Variants in STRIP2 observed in about 807,000 individuals in gnomAD.
The protein encoded by STRIP2 is striatin-interacting protein 2.
In STRIP2, 84 loss-of-function variants were observed where a neutral mutation model predicts 107.1. That is an observed-to-expected ratio of 0.78 (90% CI 0.66 to 0.94). STRIP2 has a LOEUF of 0.94. Among genes scored for constraint, STRIP2 ranks in the 40% least tolerant of loss-of-function variants. The pLI is 0.00. For synonymous variants in STRIP2, 394 were observed against 400.4 expected (o/e 0.98, Z 0.19); for missense variants, 888 against 1,034.2 (o/e 0.86, Z 1.94).
At chr7:129,441,052 A>G (rs967039212) in intron 2 of STRIP2, among the ~76,000 whole-genome samples, 1 of 152,062 alleles carries the variant, frequency 6.6e-6, no homozygotes, top group South Asian at 2.1e-4. Context: ...GAGATGAGCA[A>G]CCCAACAAAG....
In STRIP2 at chr7:129,467,949, A is replaced by C. The variant is rs1479749977; in HGVS notation, c.1877+499A>C. Among the ~76,000 whole-genome samples, 3 of 152,212 alleles carry C rather than the reference A, an allele frequency of 2.0e-5. No individual in the cohort carries two copies. The East Asian group carries it at 5.8e-4, about 29-fold the overall frequency. On this transcript the variant is annotated intron_variant, in intron 17 of 20. Coordinates refer to ENST00000249344, the MANE Select transcript of STRIP2 (RefSeq NM_020704.3). Reference sequence around the variant, plus strand: ...ACATTCATTATTTAATCTCCTCAGCAATGCTAAGAGTTGTTATAAGTTTTA... The same window carrying C: ...ACATTCATTATTTAATCTCCTCAGCCATGCTAAGAGTTGTTATAAGTTTTA...
chr7:129,442,942 A>T (rs1053710443), intron 2 of STRIP2, among the ~76,000 whole-genome samples: 1 of 152,148 alleles, frequency 6.6e-6, no homozygotes, highest in African/African-American at 2.4e-5. Context: ...TCTGTATTTC[A>T]GTTCTTCATC....
rs192820232 is a variant in STRIP2 at position 129,459,866 on chromosome 7, C to T, written c.1404+286C>T. ...TTCCTTGCTTCTTTTTCTTTCACTT[C>T]TCTCTGTCCATAAGTCTACTAACTT... On this transcript the variant is annotated intron_variant, in intron 12 of 20. Transcript: ENST00000249344. 2.2e-3 allele frequency among the ~76,000 whole-genome samples: 336 copies of T among 152,170 alleles called. 1 individual carries two copies. The highest frequency in any genetic ancestry group is 7.5e-3 in the African/African-American group (312 of 41,498).
chr7:129,455,345 C>T lies in STRIP2; in HGVS notation c.808C>T (p.Leu270=), dbSNP rs764595855. 2.2e-5 allele frequency: 36 copies of T among 1,613,616 alleles called. No homozygotes were observed. Among genetic ancestry groups the T allele is most frequent in the Non-Finnish European group, 3.0e-5 (35 of 1,179,836 alleles). The change falls in exon 8 of 21, where the codon CTG becomes TTG. Residue 270 remains leucine (L), a synonymous_variant. Transcript: ENST00000249344. ...LAPHFPIKKV[L]LLLWKVVMFT... is the part of the protein sequence containing the mutation. The stretch of plus-strand genomic sequence containing the variant: ...TCCTCACTTCCCCATAAAGAAGGTC[C>T]TGCTCCTGCTCTGGAAGGTGGTCAT...
rs376422661 is a variant in STRIP2, at chr7:129,443,969, G to A, written c.200-55G>A. 143 of 1,330,958 alleles carry A rather than the reference G, an allele frequency of 1.1e-4. No individual in the cohort carries two copies. In the East Asian group the frequency reaches 1.4e-3, roughly 13 times the overall value. The allele number at this position is 1,330,958 out of a possible 1,614,324, so 82.4% of individuals were successfully genotyped here. A position where few individuals can be genotyped will look rare whatever the true frequency, so the allele number is the denominator to read the frequency against. ...TCTTTCATGCCACCCTCTCTACTTT[G>A]GGCCTCTTCTTTAAGGATCTCCCGA... On this transcript the variant is annotated intron_variant, in intron 2 of 20. Transcript: ENST00000249344.
chr7:129,459,817 C>T (rs1380469703), intron 12 of STRIP2, among the ~76,000 whole-genome samples: 1 of 152,140 alleles, frequency 6.6e-6, no homozygotes, highest in African/African-American at 2.4e-5. Flanking sequence ...TTTTCCTCTT[C>T]CCATTCTTCT....
intron 18 of STRIP2, among the ~76,000 whole-genome samples, chr7:129,475,487 G>A (rs1431253690): frequency 7.4e-5 from 11 of 149,530 alleles, no homozygotes; most frequent in Non-Finnish European, 5.9e-5. Context: ...AGGACCCTGG[G>A]GCCTTCCGCA....
intron 18 of STRIP2, among the ~76,000 whole-genome samples, chr7:129,475,048 C>T (rs1428289480): frequency 1.3e-5 from 2 of 152,112 alleles, no homozygotes; most frequent in Admixed American, 1.3e-4. Flanking sequence ...TTGTGTATCT[C>T]CAAATGTCGG....
chr7:129,459,647 C>T, intron 12 of STRIP2, 67 bp downstream of exon 12: 3 of 1,333,780 alleles, frequency 2.2e-6, no homozygotes, highest in Non-Finnish European at 1.1e-6. Flanking sequence ...TTACCAGGCT[C>T]CTGGATACTG....
At chr7:129,471,659 T>C (rs530224422) in intron 18 of STRIP2, among the ~76,000 whole-genome samples, 8 of 152,322 alleles carry the variant, frequency 5.3e-5, no homozygotes, top group African/African-American at 1.9e-4. Context: ...GATTCTTGGC[T>C]GGAGGGGACT....
chr7:129,447,508 C>T (rs1798068532), intron 3 of STRIP2, among the ~76,000 whole-genome samples: 1 of 152,220 alleles, frequency 6.6e-6, no homozygotes, highest in African/African-American at 2.4e-5. Context: ...TCACTGGATC[C>T]AATCAGCATA....
rs1462032541 is a variant in STRIP2, at chr7:129,486,721, A to G, written c.*892A>G. ...GTCCACTTGTGGTCGTGATCAATAT[A>G]TTTTTCTAATTGAAAAGTAAAAGCA... On this transcript the variant is annotated 3_prime_UTR_variant, in exon 21 of 21. Transcript: ENST00000249344. 1 of 152,066 alleles carries G rather than the reference A, an allele frequency of 6.6e-6. No individual in the cohort carries two copies. Among genetic ancestry groups the G allele is most frequent in the East Asian group, 1.9e-4 (1 of 5,196 alleles). 9.4% of individuals were successfully genotyped at this position (152,066 alleles called of 1,614,324 possible). A position where few individuals can be genotyped will look rare whatever the true frequency, so the allele number is the denominator to read the frequency against.
In STRIP2 at chr7:129,465,541, CACAATT is replaced by C. The variant is rs566182013; in HGVS notation, c.1776+806_1776+811del. 8.5e-5 allele frequency among the ~76,000 whole-genome samples: 13 copies of C among 152,298 alleles called. No individual in the cohort carries two copies. The East Asian group carries it at 2.3e-3, about 27-fold the overall frequency. On this transcript the variant is annotated intron_variant, in intron 16 of 20. Transcript: ENST00000249344. Reference sequence around the variant, plus strand: ...GCAAATCATAATCTATATGCTAACACACAATTACTGGGCACCTATCCTGTGCCCAGC... The same window carrying C: ...GCAAATCATAATCTATATGCTAACACACTGGGCACCTATCCTGTGCCCAGC...
intron 19 of STRIP2, among the ~76,000 whole-genome samples, chr7:129,482,167 C>T (rs1227788388): frequency 6.6e-6 from 1 of 151,354 alleles, no homozygotes; most frequent in Non-Finnish European, 1.5e-5. Context: ...CAAAACAAAA[C>T]AAAAAAATAA....
chr7:129,458,302 G>T lies in STRIP2; in HGVS notation c.1126G>T (p.Glu376Ter), dbSNP rs764305785. 1.2e-6 allele frequency: 2 copies of T among 1,614,210 alleles called. No individual in the cohort carries two copies. Among genetic ancestry groups the T allele is most frequent in the Admixed American group, 3.3e-5 (2 of 60,022 alleles). ...TEEPATEEEE[E>*]SAGDGERTLD... ...GGAGCCCGCCACAGAGGAGGAAGAG[G>T]AGTCTGCTGGTGATGGAGAACGAAC... Residue 376 changes from glutamate to a stop codon, truncating the protein, a stop_gained, in exon 10 of 21, where the codon GAG (glutamate) becomes TAG (stop). Transcript: ENST00000249344. LOFTEE classifies it high-confidence loss of function. This position sits in a 1 kb window ranked among gnomAD's most constrained non-coding sequence, Gnocchi z 4.6.
At position 129,464,649 on chromosome 7, in the gene STRIP2, G is replaced by A. The variant is rs149074684; in HGVS notation, c.1687G>A (p.Val563Met). The A allele has an allele frequency of 5.6e-5, 91 of 1,613,984 alleles. 1 individual carries two copies. The Middle Eastern group carries it at 8.2e-4, about 15-fold the overall frequency. ...VLQSMKLGIDVNRHKEIIVKS... is the reference protein window; with the variant it reads ...VLQSMKLGIDMNRHKEIIVKS... ...CCAGAGCATGAAGCTGGGCATCGATGTGAACAGGCACAAGGAGATTATTGT... is the reference window on the plus strand; with the variant it reads ...CCAGAGCATGAAGCTGGGCATCGATATGAACAGGCACAAGGAGATTATTGT... The change falls in exon 16 of 21, where the codon GTG (valine) becomes ATG (methionine). Residue 563 changes from valine to methionine, a missense_variant. Physicochemically the swap from Val to Met is conservative, Grantham distance 21 (BLOSUM62 1). Transcript: ENST00000249344.
rs1797670127 is a variant in STRIP2, at chr7:129,434,465, C to G, written c.-8C>G. On this transcript the variant is annotated 5_prime_UTR_variant, in exon 1 of 21. Transcript: ENST00000249344. ...GCTGAACCCTGAGGGGAGCCGCTGA[C>G]CAGCAGCATGGAGGACCCCGCCGCG... The G allele has an allele frequency of 6.6e-7, 1 of 1,507,420 alleles. No homozygotes were observed. Among genetic ancestry groups the G allele is most frequent in the Non-Finnish European group, 8.8e-7 (1 of 1,134,686 alleles). 93.4% of individuals were successfully genotyped at this position (1,507,420 alleles called of 1,614,324 possible). A position where few individuals can be genotyped will look rare whatever the true frequency, so the allele number is the denominator to read the frequency against.
At chr7:129,466,265 G>T (rs1798668941) in intron 16 of STRIP2, among the ~76,000 whole-genome samples, 1 of 152,158 alleles carries the variant, frequency 6.6e-6, no homozygotes, top group African/African-American at 2.4e-5. Flanking sequence ...TCCATCAGAT[G>T]ATACTGGATA....
At chr7:129,475,343 T>A (rs1456532202) in intron 18 of STRIP2, among the ~76,000 whole-genome samples, 1 of 151,734 alleles carries the variant, frequency 6.6e-6, no homozygotes, top group East Asian at 1.9e-4. Context: ...TATTTTTTTA[T>A]TTTTTATTTA....
Sources: gnomAD v4.1 joint callset for allele counts (sites outside exome capture counted in the v4.1 genomes callset) on GRCh38, gnomAD v4.1.1 for gene constraint, Gnocchi (gnomAD v3.1) non-coding constraint, MANE v1.5 for transcripts, NCBI Gene and HGNC (gene_info 2026-07-23, HGNC 2026-07-21) for gene names.